KCTD1: variants seen among roughly 807,000 people sequenced by gnomAD.
KCTD1 encodes the protein BTB/POZ domain-containing protein KCTD1.
A neutral mutation model predicts 66.0 loss-of-function variants in KCTD1; 24 were observed. The ratio of observed to expected loss-of-function variants is 0.36; its 90% CI spans 0.26 to 0.51. The LOEUF (loss-of-function observed/expected upper bound fraction) is 0.51. Among genes scored for constraint, KCTD1 ranks in the 20% least tolerant of loss-of-function variants. KCTD1 has a pLI of 0.95. For synonymous variants in KCTD1, 511 were observed against 517.2 expected, an observed-to-expected ratio of 0.99 and a Z score of 0.16; for missense variants, 943 against 1,205.2, an observed-to-expected ratio of 0.78 and a Z score of 3.22.
At chr18:26,653,010 A>G (rs563756734) in intron 1 of KCTD1, among the ~76,000 whole-genome samples, 1 of 152,232 alleles carries the variant, frequency 6.6e-6, no homozygotes, top group African/African-American at 2.4e-5. Context: ...AAACCCTTCC[A>G]TCAGTATTTC....
In KCTD1 at chr18:26,603,809, C is replaced by T. The variant is rs1986953883; in HGVS notation, c.-16+25338G>A. Among the ~76,000 whole-genome samples the T allele has an allele frequency of 2.0e-5, 3 of 149,976 alleles. No homozygotes were observed. The South Asian group carries it at 6.4e-4, about 32-fold the overall frequency. On this transcript the variant is annotated intron_variant, in intron 1 of 4. Transcript: ENST00000317932. ...AAATAAAACCCCACACTATGAAAAC[C>T]CTAGGAGAAAACCTGGGCAATACCA...
chr18:26,495,180 G>C (rs796323717), intron 2 of KCTD1, among the ~76,000 whole-genome samples: 1 of 151,904 alleles, frequency 6.6e-6, no homozygotes, highest in East Asian at 1.9e-4. Context: ...CCATGTCTAC[G>C]AACTGTAGTG....
upstream of KCTD1, among the ~76,000 whole-genome samples, chr18:26,643,471 A>G (rs1987869699): frequency 6.6e-6 from 1 of 152,234 alleles, no homozygotes; most frequent in Non-Finnish European, 1.5e-5. Flanking sequence ...AGGGACAACA[A>G]GAAAGAAAGA....
In KCTD1 at chr18:26,476,879, C is replaced by T. The variant is rs1160167586; in HGVS notation, c.1989-220G>A. On this transcript the variant is annotated intron_variant, in intron 2 of 4. Transcript: ENST00000580059. The surrounding 1 kb of genome is among the most constrained non-coding windows in gnomAD (Gnocchi z 4.9). Reference sequence around the variant, plus strand: ...TTTGTCAAATGAATTCTTTTATTCACTGTCTTTCACCTGCAAAGAAAATGT... The same window carrying T: ...TTTGTCAAATGAATTCTTTTATTCATTGTCTTTCACCTGCAAAGAAAATGT... 2.1e-6 allele frequency: 1 copy of T among 484,832 alleles called. No homozygotes were observed. The allele number at this position is 484,832 out of a possible 1,614,324, so 30.0% of individuals were successfully genotyped here. A position where few individuals can be genotyped will look rare whatever the true frequency, so the allele number is the denominator to read the frequency against.
chr18:26,527,371 T>G (rs1382942266), intron 1 of KCTD1, among the ~76,000 whole-genome samples: 1 of 152,152 alleles, frequency 6.6e-6, no homozygotes, highest in Non-Finnish European at 1.5e-5. Context: ...GACTGAATTT[T>G]TCTTTTGTGT....
At chr18:26,492,405 G>A (rs547374614) in intron 2 of KCTD1, among the ~76,000 whole-genome samples, 75 of 152,086 alleles carry the variant, frequency 4.9e-4, no homozygotes, top group African/African-American at 1.7e-3. Context: ...AGGCTAAGGA[G>A]GGTGGATCAC....
At chr18:26,548,597 G>A, upstream of KCTD1, 3 of 1,196,436 alleles carry the variant, frequency 2.5e-6, no homozygotes, top group Non-Finnish European at 3.1e-6. Flanking sequence ...CCGCAGCGCT[G>A]AGAGCTTTTG....
intron 1 of KCTD1, among the ~76,000 whole-genome samples, chr18:26,564,790 G>A (rs151198097): frequency 0.019 from 2,826 of 152,020 alleles, 65 homozygotes; most frequent in African/African-American, 0.054. Flanking sequence ...TCGGGAGGCC[G>A]AGGCAGGAGA....
intron 1 of KCTD1, among the ~76,000 whole-genome samples, chr18:26,536,018 T>C (rs977006688): frequency 6.7e-6 from 1 of 149,168 alleles, no homozygotes; most frequent in African/African-American, 2.5e-5. Flanking sequence ...CCCCTCAGTC[T>C]GTCTAGCCCA....
At chr18:26,643,232 G>T (rs1987865023), upstream of KCTD1, among the ~76,000 whole-genome samples, 1 of 152,024 alleles carries the variant, frequency 6.6e-6, no homozygotes, top group Admixed American at 6.5e-5. Flanking sequence ...TGAGTTATCT[G>T]GTGTCTCTTC....
At chr18:26,639,934 T>C (rs1987801186) in intron 1 of KCTD1, among the ~76,000 whole-genome samples, 1 of 152,176 alleles carries the variant, frequency 6.6e-6, no homozygotes, top group Non-Finnish European at 1.5e-5. Context: ...GCCAGTTTTG[T>C]TTAAGATAGA....
chr18:26,630,621 C>A (rs1387510299), upstream of KCTD1, among the ~76,000 whole-genome samples: 1 of 152,170 alleles, frequency 6.6e-6, no homozygotes, highest in African/African-American at 2.4e-5. Flanking sequence ...AGGCATGAGC[C>A]ACTGTGCCCA....
At chr18:26,568,462 C>A (rs756879018) in intron 1 of KCTD1, among the ~76,000 whole-genome samples, 1 of 151,986 alleles carries the variant, frequency 6.6e-6, no homozygotes, top group Non-Finnish European at 1.5e-5. Context: ...GTCTCGAACT[C>A]CTGGGCTCAA....
chr18:26,522,643 C>T (rs988349471), intron 1 of KCTD1, among the ~76,000 whole-genome samples: 1 of 152,156 alleles, frequency 6.6e-6, no homozygotes, highest in African/African-American at 2.4e-5. Flanking sequence ...CAAATCTTGA[C>T]GGTACCTCTT....
chr18:26,619,190 G>A (rs2145012122), intron 1 of KCTD1, among the ~76,000 whole-genome samples: 1 of 152,284 alleles, frequency 6.6e-6, no homozygotes, highest in Non-Finnish European at 1.5e-5. Context: ...TAGATATCAA[G>A]TTTCTTCTAT....
intron 1 of KCTD1, among the ~76,000 whole-genome samples, chr18:26,634,724 CCTT>C (rs1427339269): frequency 6.6e-6 from 1 of 152,118 alleles, no homozygotes; most frequent in Admixed American, 6.5e-5. Context: ...TCATCTTGGT[CCTT>C]CTTTATTTTT....
chr18:26,521,176 A>C (rs1270974706), intron 1 of KCTD1, among the ~76,000 whole-genome samples: 1 of 152,218 alleles, frequency 6.6e-6, no homozygotes, highest in Non-Finnish European at 1.5e-5. Context: ...GGATCATCAC[A>C]GAGGGGCTTT....
chr18:26,480,570 C>T (rs34405794), intron 2 of KCTD1, among the ~76,000 whole-genome samples: 71,328 of 151,910 alleles, frequency 0.47, 18,811 homozygotes, highest in Non-Finnish European at 0.6. Context: ...GAGTTCAAGA[C>T]GAGCCTGACC....
chr18:26,593,122 T>C (rs1986647953), intron 1 of KCTD1, among the ~76,000 whole-genome samples: 1 of 152,196 alleles, frequency 6.6e-6, no homozygotes, highest in East Asian at 1.9e-4. Context: ...TCTCTGATGT[T>C]CCACCACATG....
Sources: allele counts gnomAD v4.1 joint callset (sites outside exome capture counted in the v4.1 genomes callset), GRCh38; gene constraint gnomAD v4.1.1; non-coding constraint Gnocchi (gnomAD v3.1); transcripts MANE v1.5; gene names NCBI Gene and HGNC (gene_info 2026-07-23, HGNC 2026-07-21).